Variants in PARD3B observed in about 807,000 individuals in gnomAD.
PARD3B encodes the protein par-3 family cell polarity regulator beta.
PARD3B carries 103 observed loss-of-function variants against 130.2 expected under a neutral mutation model. The observed-to-expected ratio is 0.79, with a 90% CI of 0.67 to 0.93. PARD3B has a LOEUF of 0.93. PARD3B is among the 40% of genes least tolerant of loss of function. PARD3B has a pLI of 0.00. For synonymous variants in PARD3B, 583 were observed against 553.2 expected (o/e 1.05, Z -0.76); for missense variants, 1,609 against 1,499.2 (o/e 1.07, Z -1.21).
intron 1 of PARD3B, among the ~76,000 whole-genome samples, chr2:204,585,568 TC>T (rs922037985): frequency 2.0e-5 from 3 of 150,584 alleles, no homozygotes; most frequent in Non-Finnish European, 4.4e-5. Context: ...GGTCCCAAAC[TC>T]CTGGCCTCAA....
chr2:205,467,072 T>A (rs1426652432), intron 20 of PARD3B, among the ~76,000 whole-genome samples: 1 of 152,236 alleles, frequency 6.6e-6, no homozygotes, highest in East Asian at 1.9e-4. Context: ...AAGTATATCA[T>A]CTCCATTGAT....
rs1481261447 is a variant in PARD3B at position 204,689,676 on chromosome 2, C to CA, written c.222+3396dup. On this transcript the variant is annotated intron_variant, in intron 2 of 22. Coordinates refer to ENST00000406610, the MANE Select transcript of PARD3B (RefSeq NM_001302769.2). This position sits in a 1 kb window ranked among gnomAD's most constrained non-coding sequence, Gnocchi z 5.2. ...TTATTTATTCTACGTTATTTTAAAG[C>CA]AATCCTGAAGACAAGAGCTAGTGTT... Among the ~76,000 whole-genome samples the CA allele has an allele frequency of 6.6e-6, 1 of 152,084 alleles. No individual in the cohort carries two copies. Among genetic ancestry groups the CA allele is most frequent in the Admixed American group, 6.6e-5 (1 of 15,248 alleles).
intron 10 of PARD3B, among the ~76,000 whole-genome samples, chr2:205,132,285 T>C (rs2125648817): frequency 6.6e-6 from 1 of 152,300 alleles, no homozygotes; most frequent in East Asian, 1.9e-4. Context: ...TATCAATAAT[T>C]CCAAAGTTTT....
chr2:204,814,207 T>C (rs2043062826), intron 2 of PARD3B, among the ~76,000 whole-genome samples: 1 of 151,966 alleles, frequency 6.6e-6, no homozygotes, highest in Non-Finnish European at 1.5e-5. Context: ...GTTTTCATAA[T>C]TTTTAATTCT....
At chr2:204,700,040 G>C (rs572870362) in intron 2 of PARD3B, among the ~76,000 whole-genome samples, 1 of 152,134 alleles carries the variant, frequency 6.6e-6, no homozygotes, top group South Asian at 2.1e-4. Flanking sequence ...CTGCCACATT[G>C]ATACTTGAAA....
At chr2:205,487,972 C>T (rs957929525) in intron 20 of PARD3B, among the ~76,000 whole-genome samples, 2 of 152,158 alleles carry the variant, frequency 1.3e-5, no homozygotes, top group Non-Finnish European at 2.9e-5. Context: ...GTCTTTTGTT[C>T]AGTTCAAGAA....
rs3077829 is a variant in PARD3B, at chr2:205,575,084, GACAC to G, written c.3260+21708_3260+21711del. Among the ~76,000 whole-genome samples the G allele has an allele frequency of 1.8e-3, 227 of 128,578 alleles. No individual in the cohort carries two copies. The highest frequency in any genetic ancestry group is 2.6e-3 in the African/African-American group (98 of 37,790). 84.4% of individuals were successfully genotyped at this position (128,578 alleles called of 152,430 possible). A position where few individuals can be genotyped will look rare whatever the true frequency, so the allele number is the denominator to read the frequency against. ...AATACATTATATACACATTTAAATA[GACAC>G]ACACACACACACACACACACACACA... On this transcript the variant is annotated intron_variant, in intron 22 of 22. Transcript: ENST00000406610. This position sits in a 1 kb window ranked among gnomAD's most constrained non-coding sequence, Gnocchi z 4.6.
chr2:205,185,774 G>T lies in PARD3B; in HGVS notation c.1935G>T (p.Leu645=). Residue 645 remains leucine, a synonymous_variant, in exon 14 of 23, where the codon CTG becomes CTT. Transcript: ENST00000406610. ...GTTCTTTGTTTATAGGTCTATTGCT[G>T]CCCAATGACGGATGGGCCGAGAGTG... is the stretch of plus-strand genomic sequence containing the variant. The part of the protein sequence containing the change: ...SPQDKQKGLL[L]PNDGWAESEV... The T allele has an allele frequency of 6.2e-7, 1 of 1,613,722 alleles. No individual in the cohort carries two copies. Among genetic ancestry groups the T allele is most frequent in the Non-Finnish European group, 8.5e-7 (1 of 1,179,636 alleles).
At chr2:204,873,463 A>G (rs1474701880) in intron 2 of PARD3B, among the ~76,000 whole-genome samples, 1 of 152,130 alleles carries the variant, frequency 6.6e-6, no homozygotes, top group African/African-American at 2.4e-5. Context: ...TGTCCCCCAG[A>G]CACTTCATCA....
chr2:205,391,225 A>G (rs2045848213), intron 18 of PARD3B, among the ~76,000 whole-genome samples: 1 of 152,232 alleles, frequency 6.6e-6, no homozygotes, highest in Admixed American at 6.5e-5. Context: ...GGAGGTAGAG[A>G]AAAGGGAAGG....
At chr2:204,695,314 T>C (rs778044341) in intron 2 of PARD3B, among the ~76,000 whole-genome samples, 15 of 151,986 alleles carry the variant, frequency 9.9e-5, no homozygotes, top group Non-Finnish European at 7.4e-5. Flanking sequence ...TACAATCTCA[T>C]TGTAATACCT....
intron 3 of PARD3B, among the ~76,000 whole-genome samples, chr2:204,971,992 A>C (rs1290215099): frequency 6.6e-6 from 1 of 152,040 alleles, no homozygotes; most frequent in African/African-American, 2.4e-5. Flanking sequence ...TTTTCAGAGT[A>C]GTGAAAAAGT....
In PARD3B at chr2:205,248,762, C is replaced by T. The variant is rs901524567; in HGVS notation, c.2185+2940C>T. Among the ~76,000 whole-genome samples the T allele has an allele frequency of 1.3e-5, 2 of 150,870 alleles. 1 individual carries two copies. Among genetic ancestry groups the T allele is most frequent in the Non-Finnish European group, 3.0e-5 (2 of 67,758 alleles). On this transcript the variant is annotated intron_variant, in intron 16 of 22. Transcript: ENST00000406610. ...AGCTGGGACCACAGGCGCCCACTACCGCGCCTGGCTAATTTTTTGTATTTT... is the reference window on the plus strand; with the variant it reads ...AGCTGGGACCACAGGCGCCCACTACTGCGCCTGGCTAATTTTTTGTATTTT...
chr2:205,184,699 G>GC (rs2035992392), intron 13 of PARD3B, among the ~76,000 whole-genome samples: 1 of 151,926 alleles, frequency 6.6e-6, no homozygotes, highest in South Asian at 2.1e-4. Context: ...CCAAGATCGT[G>GC]CCACTGCACT....
At chr2:205,168,286 AGG>A (rs1332367499) in intron 11 of PARD3B, among the ~76,000 whole-genome samples, 1 of 116,870 alleles carries the variant, frequency 8.6e-6, no homozygotes, top group Non-Finnish European at 1.8e-5. Flanking sequence ...GGGGTGAGAA[AGG>A]GAGAGAGAGA....
chr2:204,560,696 C>T (rs535899048), intron 1 of PARD3B, among the ~76,000 whole-genome samples: 8 of 151,894 alleles, frequency 5.3e-5, no homozygotes, highest in Admixed American at 1.3e-4. Flanking sequence ...AGTTGTGGGA[C>T]GGGTAGTAGG....
chr2:205,003,502 G>A (rs1198065208), intron 3 of PARD3B, among the ~76,000 whole-genome samples: 1 of 152,104 alleles, frequency 6.6e-6, no homozygotes, highest in East Asian at 1.9e-4. Context: ...CCACCTCAGA[G>A]ACCCATGGAG....
intron 3 of PARD3B, among the ~76,000 whole-genome samples, chr2:205,012,643 A>G (rs1300199240): frequency 1.3e-5 from 2 of 152,254 alleles, no homozygotes. Flanking sequence ...TACCACTCAC[A>G]GCAAACACTT....
intron 22 of PARD3B, among the ~76,000 whole-genome samples, chr2:205,553,876 A>G (rs10189250): frequency 0.49 from 74,357 of 151,980 alleles, 19,783 homozygotes; most frequent in Middle Eastern, 0.71. Flanking sequence ...TCAAGGCAAT[A>G]AGCAAATATT....
Sources: gnomAD v4.1 joint callset for allele counts (sites outside exome capture counted in the v4.1 genomes callset) on GRCh38, gnomAD v4.1.1 for gene constraint, Gnocchi (gnomAD v3.1) non-coding constraint, MANE v1.5 for transcripts, NCBI Gene and HGNC (gene_info 2026-07-23, HGNC 2026-07-21) for gene names.